LHX8: variants seen among roughly 807,000 people sequenced by gnomAD.
LHX8 encodes LIM/homeobox protein Lhx8.
Under a neutral mutation model 40.3 loss-of-function variants are expected in LHX8, and 12 were observed. The ratio of observed to expected loss-of-function variants is 0.30; its 90% CI spans 0.19 to 0.48. LHX8 has a LOEUF of 0.48. LHX8 is among the 20% of genes least tolerant of loss of function. The pLI is 0.99. For missense variants in LHX8, 344 were observed against 433.7 expected (o/e 0.79, Z 1.84); for synonymous variants, 179 against 162.0 (o/e 1.10, Z -0.80).
chr1:75,151,818 C>T (rs1223505076), intron 7 of LHX8, among the ~76,000 whole-genome samples: 2 of 152,176 alleles, frequency 1.3e-5, no homozygotes, highest in African/African-American at 2.4e-5. Flanking sequence ...TTTCTTAGAG[C>T]TTTTCATATT....
the LHX8 span, among the ~76,000 whole-genome samples, chr1:75,170,188 G>A: frequency 2.6e-5 from 4 of 152,154 alleles, no homozygotes; most frequent in Non-Finnish European, 5.9e-5. Context: ...TTGGACTATC[G>A]AGTACAAGAA....
chr1:75,136,460 C>G (rs940830457), intron 1 of LHX8, 143 bp from the exon 2 acceptor site: 2 of 510,240 alleles, frequency 3.9e-6, no homozygotes, highest in East Asian at 3.9e-5. Flanking sequence ...GGCGCCCGGG[C>G]TCAGGCGCCG....
chr1:75,198,762 C>T, the LHX8 span, among the ~76,000 whole-genome samples: 2 of 152,296 alleles, frequency 1.3e-5, no homozygotes, highest in South Asian at 4.1e-4. Flanking sequence ...CCTCTTCCAC[C>T]TCCATTTCCT....
chr1:75,146,046 CTTTATAA>C (rs772917959), intron 6 of LHX8, among the ~76,000 whole-genome samples: 11 of 151,986 alleles, frequency 7.2e-5, no homozygotes, highest in Non-Finnish European at 1.6e-4. Context: ...TAAAGTGGTT[CTTTATAA>C]TTTAGGAATC....
At chr1:75,136,999 AG>A in intron 2 of LHX8, 100 bp from the exon 3 acceptor site, 1 of 750,482 alleles carries the variant, frequency 1.3e-6, no homozygotes, top group Non-Finnish European at 1.6e-6. Flanking sequence ...TGGGGTGGCC[AG>A]GGGGAAGGGA....
At chr1:75,176,891 T>A in the LHX8 span, among the ~76,000 whole-genome samples, 3 of 152,324 alleles carry the variant, frequency 2.0e-5, no homozygotes, top group South Asian at 6.2e-4. Flanking sequence ...TTTCTACATA[T>A]GGCTAGCCAG....
the LHX8 span, among the ~76,000 whole-genome samples, chr1:75,197,511 T>A: frequency 6.6e-6 from 1 of 152,202 alleles, no homozygotes; most frequent in Non-Finnish European, 1.5e-5. Context: ...GCAAAATGAT[T>A]TGCCTATCTA....
chr1:75,158,739 T>C (rs1185633414), intron 8 of LHX8, among the ~76,000 whole-genome samples: 1 of 152,194 alleles, frequency 6.6e-6, no homozygotes, highest in Non-Finnish European at 1.5e-5. Context: ...ACTTAATCAT[T>C]CTAATCATGG....
intron 3 of LHX8, among the ~76,000 whole-genome samples, chr1:75,137,796 C>G (rs1286866429): frequency 4.6e-5 from 7 of 152,188 alleles, no homozygotes; most frequent in Non-Finnish European, 4.4e-5. Flanking sequence ...AGGATCTTTT[C>G]TGGACAAATT....
At chr1:75,163,726 C>A (rs917430032), downstream of LHX8, among the ~76,000 whole-genome samples, 64 of 152,148 alleles carry the variant, frequency 4.2e-4, no homozygotes, top group African/African-American at 1.4e-3. Context: ...CCTACAATAT[C>A]ATTTTAATTG....
the LHX8 span, among the ~76,000 whole-genome samples, chr1:75,173,597 T>C: frequency 2.6e-5 from 4 of 152,102 alleles, no homozygotes; most frequent in African/African-American, 4.8e-5. Context: ...TTAGCCAAGA[T>C]GGTCTCGATC....
Position 75,137,200 on chromosome 1 carries a change from C to T in LHX8, c.176C>T (p.Pro59Leu). The change falls in exon 3 of 9, where the codon CCT (proline) becomes CTT (leucine). Residue 59 changes from proline to leucine, a missense_variant. Around this residue, in one of 3 missense-constraint regions of LHX8, gnomAD observed 108 missense variants for 90.1 expected, o/e 1.20. Transcript: ENST00000356261. ...TCCATGGCCTCGGGCTCCGGCTGCC[C>T]TCCTGGCAAGTGTGTGTGCAACAGT... ...PRSMASGSGC[P>L]PGKCVCNSCG... 3 of 1,613,640 alleles carry T rather than the reference C, an allele frequency of 1.9e-6. No individual in the cohort carries two copies. The highest frequency in any genetic ancestry group is 2.5e-6 in the Non-Finnish European group (3 of 1,179,988).
chr1:75,137,357 C>A, intron 3 of LHX8, 96 bp downstream of exon 3: 1 of 1,314,720 alleles, frequency 7.6e-7, no homozygotes, highest in Non-Finnish European at 1.1e-6. Context: ...CCTTTCCGTT[C>A]AAGTTCTGGG....
At chr1:75,181,777 C>T in the LHX8 span, among the ~76,000 whole-genome samples, 1 of 152,208 alleles carries the variant, frequency 6.6e-6, no homozygotes, top group Admixed American at 6.5e-5. Context: ...CTGTCTTCTG[C>T]ATCGATCATA....
At chr1:75,173,068 G>A in the LHX8 span, among the ~76,000 whole-genome samples, 130 of 152,300 alleles carry the variant, frequency 8.5e-4, no homozygotes, top group Non-Finnish European at 1.5e-3. Context: ...CTGATTGTGA[G>A]TATGCTCAAC....
At chr1:75,185,209 C>A in the LHX8 span, among the ~76,000 whole-genome samples, 1 of 152,050 alleles carries the variant, frequency 6.6e-6, no homozygotes, top group African/African-American at 2.4e-5. Context: ...CCCACTGAAA[C>A]TATTCCAAAA....
chr1:75,150,739 T>C (rs571199221), intron 7 of LHX8, among the ~76,000 whole-genome samples: 3 of 150,266 alleles, frequency 2.0e-5, no homozygotes, highest in African/African-American at 7.4e-5. Context: ...TGCAGTGGTG[T>C]GATCTCGGCT....
At chr1:75,173,799 T>A in the LHX8 span, among the ~76,000 whole-genome samples, 1 of 152,164 alleles carries the variant, frequency 6.6e-6, no homozygotes, top group Non-Finnish European at 1.5e-5. Flanking sequence ...TCTTTTTGAT[T>A]GTCTGATGAA....
At chr1:75,140,861 G>A (rs1648292963) in intron 3 of LHX8, 124 bp from the exon 4 acceptor site, 1 of 902,146 alleles carries the variant, frequency 1.1e-6, no homozygotes, top group African/African-American at 1.7e-5. Context: ...ACATCTTTTG[G>A]ATGAAAACAT....
Sources: gnomAD v4.1 joint callset for allele counts (sites outside exome capture counted in the v4.1 genomes callset) on GRCh38, gnomAD v4.1.1 for gene constraint, gnomAD v4.1.1 regional missense constraint, MANE v1.5 for transcripts, NCBI Gene and HGNC (gene_info 2026-07-23, HGNC 2026-07-21) for gene names.